CNOT6L: variants seen among roughly 807,000 people sequenced by gnomAD.
CNOT6L encodes CCR4-NOT transcription complex subunit 6 like.
In CNOT6L, 7 loss-of-function variants were observed where a neutral mutation model predicts 64.0. The ratio of observed to expected loss-of-function variants is 0.11; its 90% CI spans 0.06 to 0.21. The LOEUF is 0.21. Among genes scored for constraint, CNOT6L ranks in the 10% least tolerant of loss-of-function variants. CNOT6L has a pLI of 1.00. For missense variants in CNOT6L, 245 were observed against 669.0 expected (o/e 0.37, Z 6.99); for synonymous variants, 193 against 243.4 (o/e 0.79, Z 1.93).
At chr4:77,794,901 C>G (rs541077267) in intron 1 of CNOT6L, among the ~76,000 whole-genome samples, 1 of 151,710 alleles carries the variant, frequency 6.6e-6, no homozygotes, top group East Asian at 1.9e-4. Flanking sequence ...AAAAATCTAA[C>G]AGAATTAATG....
At chr4:77,784,987 T>A (rs1034493015) in intron 1 of CNOT6L, among the ~76,000 whole-genome samples, 22 of 152,198 alleles carry the variant, frequency 1.4e-4, no homozygotes, top group Admixed American at 1.4e-3. Flanking sequence ...CCAGTACACT[T>A]CTGAAAAAGG....
Position 77,716,558 on chromosome 4 carries a change from C to T in CNOT6L, c.*3873G>A, listed in dbSNP as rs554025648. The T allele has an allele frequency of 1.6e-4, 25 of 152,226 alleles. No homozygotes were observed. The highest frequency in any genetic ancestry group is 6.0e-4 in the African/African-American group (25 of 41,560). The allele number at this position is 152,226 out of a possible 1,614,324, so 9.4% of individuals were successfully genotyped here. On this transcript the variant is annotated 3_prime_UTR_variant, in exon 12 of 12. Coordinates refer to ENST00000504123, the MANE Select transcript of CNOT6L (RefSeq NM_144571.3). Reference sequence around the variant, plus strand: ...TAAACTTAAATTTTCACCCATTTAACAATATAAACTTAGAATTTTAAAATG... The same window carrying T: ...TAAACTTAAATTTTCACCCATTTAATAATATAAACTTAGAATTTTAAAATG...
chr4:77,748,410 T>C, intron 5 of CNOT6L, 26 bp from the exon 6 acceptor site: 1 of 1,441,546 alleles, frequency 6.9e-7, no homozygotes, highest in Non-Finnish European at 9.8e-7. Flanking sequence ...TAAATATAGG[T>C]TAATTTCATG....
intron 4 of CNOT6L, among the ~76,000 whole-genome samples, chr4:77,770,547 A>C (rs1727408041): frequency 2.0e-5 from 3 of 152,220 alleles, no homozygotes; most frequent in African/African-American, 7.2e-5. Flanking sequence ...TCACCTTGGA[A>C]AGTGACACTG....
At chr4:77,721,318 G>C (rs6533226) in intron 11 of CNOT6L, among the ~76,000 whole-genome samples, 119,903 of 152,132 alleles carry the variant, frequency 0.79, 48,077 homozygotes, top group Non-Finnish European at 0.86. Flanking sequence ...AGTTTTATCT[G>C]TCAGAGCTAG....
At chr4:77,775,837 C>A (rs992458964) in intron 2 of CNOT6L, among the ~76,000 whole-genome samples, 11 of 152,230 alleles carry the variant, frequency 7.2e-5, no homozygotes, top group African/African-American at 2.4e-4. Context: ...TTAGGAATCA[C>A]ATTCTATTTT....
At chr4:77,749,391 G>C (rs1320207128) in intron 5 of CNOT6L, among the ~76,000 whole-genome samples, 1 of 152,180 alleles carries the variant, frequency 6.6e-6, no homozygotes, top group Non-Finnish European at 1.5e-5. Flanking sequence ...TGCCATGGCA[G>C]AGTCACAGCA....
chr4:77,737,480 G>A (rs1347481667), intron 8 of CNOT6L, among the ~76,000 whole-genome samples: 2 of 137,912 alleles, frequency 1.5e-5, no homozygotes, highest in Admixed American at 1.6e-4. Context: ...GGAGTGCAAC[G>A]GCACGATCTT....
intron 1 of CNOT6L, among the ~76,000 whole-genome samples, chr4:77,795,225 G>T (rs1730700364): frequency 6.6e-6 from 1 of 151,956 alleles, no homozygotes; most frequent in Non-Finnish European, 1.5e-5. Flanking sequence ...CTCCATGGTG[G>T]TCAGGCTGGT....
chr4:77,745,235 CTCTAA>C (rs767030570), intron 6 of CNOT6L, among the ~76,000 whole-genome samples: 17 of 152,244 alleles, frequency 1.1e-4, no homozygotes, highest in Non-Finnish European at 1.9e-4. Flanking sequence ...AATTAAAGAA[CTCTAA>C]TCTCATTACC....
intron 4 of CNOT6L, among the ~76,000 whole-genome samples, chr4:77,760,840 G>A (rs187708647): frequency 3.1e-5 from 4 of 128,616 alleles, no homozygotes; most frequent in African/African-American, 1.2e-4. Context: ...AGGACTACAG[G>A]TGCACACCAC....
chr4:77,781,339 A>G (rs968157771), intron 1 of CNOT6L, among the ~76,000 whole-genome samples: 1 of 152,200 alleles, frequency 6.6e-6, no homozygotes, highest in African/African-American at 2.4e-5. Context: ...CCAGAACTTA[A>G]AGTAAAATTT....
At chr4:77,755,042 TTC>T (rs1369757740) in intron 5 of CNOT6L, among the ~76,000 whole-genome samples, 2 of 151,472 alleles carry the variant, frequency 1.3e-5, no homozygotes, top group African/African-American at 2.4e-5. Flanking sequence ...ATTAAAATTT[TTC>T]TGTTTGTCAA....
chr4:77,727,073 T>C (rs1209471450), intron 10 of CNOT6L, among the ~76,000 whole-genome samples: 1 of 152,186 alleles, frequency 6.6e-6, no homozygotes, highest in South Asian at 2.1e-4. Context: ...TAGAGTCATC[T>C]TTCTATTTGT....
At chr4:77,813,985 G>C (rs1332725760) in intron 1 of CNOT6L, among the ~76,000 whole-genome samples, 1 of 152,116 alleles carries the variant, frequency 6.6e-6, no homozygotes, top group Non-Finnish European at 1.5e-5. Context: ...TAGCCAAAAA[G>C]TCTATGTCCA....
Position 77,714,967 on chromosome 4 carries a change from CAAACT to C in CNOT6L, c.*5459_*5463del, listed in dbSNP as rs1177240815. On this transcript the variant is annotated 3_prime_UTR_variant, in exon 12 of 12. Transcript: ENST00000504123. ...CCAATTTTGTGACTTCAGATAACTA[CAAACT>C]AAATTAAATTGGTACATATAACAAT... 6.6e-6 allele frequency: 1 copy of C among 152,398 alleles called. No homozygotes were observed. The highest frequency in any genetic ancestry group is 1.5e-5 in the Non-Finnish European group (1 of 67,982). 9.4% of individuals were successfully genotyped at this position (152,398 alleles called of 1,614,324 possible). A position where few individuals can be genotyped will look rare whatever the true frequency, so the allele number is the denominator to read the frequency against.
At chr4:77,814,870 C>G (rs939878819) in intron 1 of CNOT6L, among the ~76,000 whole-genome samples, 2 of 152,088 alleles carry the variant, frequency 1.3e-5, no homozygotes, top group African/African-American at 4.8e-5. Context: ...TGATAAAATA[C>G]CATTTACTGT....
At chr4:77,780,910 C>T (rs1450212423) in intron 1 of CNOT6L, among the ~76,000 whole-genome samples, 1 of 152,054 alleles carries the variant, frequency 6.6e-6, no homozygotes, top group Non-Finnish European at 1.5e-5. Context: ...CCATTGTGCA[C>T]TATAATCACA....
intron 5 of CNOT6L, among the ~76,000 whole-genome samples, chr4:77,755,177 C>T (rs1037785204): frequency 1.2e-4 from 18 of 149,568 alleles, no homozygotes; most frequent in Non-Finnish European, 1.3e-4. Context: ...ACACACACAG[C>T]ACACACATAT....
Sources: allele counts gnomAD v4.1 joint callset (sites outside exome capture counted in the v4.1 genomes callset), GRCh38; gene constraint gnomAD v4.1.1; transcripts MANE v1.5; gene names NCBI Gene and HGNC (gene_info 2026-07-23, HGNC 2026-07-21).